Variants in GLRA2 observed in about 807,000 individuals in gnomAD.
The protein encoded by GLRA2 is glycine receptor subunit alpha-2.
GLRA2 carries 11 observed loss-of-function variants against 31.6 expected under a neutral mutation model. The ratio of observed to expected loss-of-function variants is 0.35; its 90% confidence interval spans 0.22 to 0.58. GLRA2 has a LOEUF of 0.58. Among genes scored for constraint, GLRA2 ranks in the 20% least tolerant of loss-of-function variants. The probability of loss-of-function intolerance (pLI) is 0.84; values close to 1 mark genes in which losing one functional copy is unlikely to be tolerated. For missense variants in GLRA2, 212 were observed against 351.8 expected (o/e 0.60, Z 3.18); for synonymous variants, 132 against 134.0 (o/e 0.99, Z 0.10).
At chrX:14,646,287 T>C in intron 7 of GLRA2, among the ~76,000 whole-genome samples, 1 of 112,296 alleles carries the variant, frequency 8.9e-6, no homozygotes, top group Middle Eastern at 4.6e-3. Flanking sequence ...ATGTGCATTA[T>C]GGCTCCATTC....
intron 4 of GLRA2, among the ~76,000 whole-genome samples, chrX:14,598,900 T>C (rs909655080): frequency 5.3e-5 from 6 of 112,259 alleles, no homozygotes; most frequent in African/African-American, 1.9e-4. Flanking sequence ...ATTTAACAAC[T>C]GTAAAGGTAA....
intron 4 of GLRA2, among the ~76,000 whole-genome samples, chrX:14,584,788 G>T (rs1340718295): frequency 8.9e-6 from 1 of 111,975 alleles, no homozygotes; most frequent in Non-Finnish European, 1.9e-5. Flanking sequence ...GTGCTAGGAA[G>T]GAGAGTTATA....
At chrX:14,604,508 C>A in intron 5 of GLRA2, 111 bp downstream of exon 5, 1 of 415,869 alleles carries the variant, frequency 2.4e-6, no homozygotes, top group Non-Finnish European at 4.2e-6. Context: ...TATATACTGA[C>A]CAACCCCCAA....
chrX:14,540,228 A>T (rs757017469), intron 2 of GLRA2, among the ~76,000 whole-genome samples: 2 of 111,475 alleles, frequency 1.8e-5, no homozygotes, highest in Non-Finnish European at 3.8e-5. Flanking sequence ...AGAGAAAAAA[A>T]CAACCCTTAA....
intron 7 of GLRA2, among the ~76,000 whole-genome samples, chrX:14,652,213 A>T (rs1338243775): frequency 8.9e-6 from 1 of 111,959 alleles, no homozygotes; most frequent in Non-Finnish European, 1.9e-5. Flanking sequence ...AACATATTCA[A>T]CTAACTTTGC....
chrX:14,728,708 A>G (rs776133780), intron 8 of GLRA2, among the ~76,000 whole-genome samples: 4 of 111,664 alleles, frequency 3.6e-5, no homozygotes, highest in African/African-American at 9.8e-5. Context: ...ACTGCGTTGA[A>G]CTCTTCTTCA....
At chrX:14,553,968 A>G (rs2089604403) in intron 2 of GLRA2, among the ~76,000 whole-genome samples, 1 of 112,114 alleles carries the variant, frequency 8.9e-6, no homozygotes, top group South Asian at 3.7e-4. Context: ...ATCCCTAACA[A>G]ATGACTTTCA....
chrX:14,625,839 T>G (rs1384347548), intron 7 of GLRA2, among the ~76,000 whole-genome samples: 1 of 111,675 alleles, frequency 9.0e-6, no homozygotes, highest in Non-Finnish European at 1.9e-5. Flanking sequence ...TTACTATGTG[T>G]CATTTAAAGT....
chrX:14,499,514 G>C, the GLRA2 span, among the ~76,000 whole-genome samples: 1 of 111,301 alleles, frequency 9.0e-6, no homozygotes, highest in African/African-American at 3.3e-5. Flanking sequence ...TACACCATGG[G>C]ATACTACACA....
chrX:14,632,891 C>A (rs984013673), intron 7 of GLRA2, among the ~76,000 whole-genome samples: 2 of 111,264 alleles, frequency 1.8e-5, no homozygotes, highest in African/African-American at 3.3e-5. Flanking sequence ...TAGTTTCTTC[C>A]CCATGAGGAA....
At chrX:14,699,411 A>G (rs1569524157) in intron 8 of GLRA2, among the ~76,000 whole-genome samples, 1 of 112,114 alleles carries the variant, frequency 8.9e-6, no homozygotes, top group Non-Finnish European at 1.9e-5. Context: ...GGGCCACCTA[A>G]TGACAAGTTG....
the GLRA2 span, among the ~76,000 whole-genome samples, chrX:14,513,658 G>GA: frequency 8.9e-6 from 1 of 111,793 alleles, no homozygotes; most frequent in Non-Finnish European, 1.9e-5. Context: ...ACAACCATAT[G>GA]AAAAAATGCT....
chrX:14,585,988 A>G (rs1384461857), intron 4 of GLRA2, among the ~76,000 whole-genome samples: 1 of 112,307 alleles, frequency 8.9e-6, no homozygotes, highest in Non-Finnish European at 1.9e-5. Flanking sequence ...GAAAAATTCC[A>G]TGCTTTTCTT....
chrX:14,673,896 T>C (rs1344866541), intron 7 of GLRA2, among the ~76,000 whole-genome samples: 1 of 112,447 alleles, frequency 8.9e-6, no homozygotes, highest in Non-Finnish European at 1.9e-5. Context: ...TGTTTCTTGC[T>C]TGCCAGTCCC....
At chrX:14,688,300 C>T (rs1032173034) in intron 7 of GLRA2, among the ~76,000 whole-genome samples, 3 of 111,571 alleles carry the variant, frequency 2.7e-5, no homozygotes, top group Non-Finnish European at 3.8e-5. Context: ...AAACTCCATT[C>T]TGGGAGAACC....
chrX:14,637,378 G>A (rs1052371100), intron 7 of GLRA2, among the ~76,000 whole-genome samples: 13 of 112,430 alleles, frequency 1.2e-4, no homozygotes, highest in African/African-American at 4.2e-4. Flanking sequence ...ATGAAAAGTG[G>A]TGGAAAGGAC....
chrX:14,531,146 C>A (rs1430922273), intron 1 of GLRA2: 3 of 923,964 alleles, frequency 3.2e-6, no homozygotes, highest in South Asian at 4.1e-5. Context: ...TCAAATAATA[C>A]TTGATTAATC....
chrX:14,506,387 G>A, the GLRA2 span, among the ~76,000 whole-genome samples: 25 of 110,848 alleles, frequency 2.3e-4, no homozygotes, highest in African/African-American at 7.9e-4. Context: ...CACAGTGCAC[G>A]TTTTCAGTTT....
intron 7 of GLRA2, among the ~76,000 whole-genome samples, chrX:14,636,348 C>A (rs1335595507): frequency 9.0e-6 from 1 of 110,745 alleles, no homozygotes; most frequent in Non-Finnish European, 1.9e-5. Flanking sequence ...GTCAGGTGAT[C>A]AAGGTCAGTA....
Sources: gnomAD v4.1 joint callset for allele counts (sites outside exome capture counted in the v4.1 genomes callset) on GRCh38, gnomAD v4.1.1 for gene constraint, MANE v1.5 for transcripts, NCBI Gene and HGNC (gene_info 2026-07-23, HGNC 2026-07-21) for gene names.